The following ERC1 variants were observed in gnomAD, a reference collection of about 807,000 sequenced individuals.
ERC1 encodes RAB6 interacting protein 2.
ERC1 carries 56 observed loss-of-function variants against 132.0 expected under a neutral mutation model. That is an observed-to-expected ratio of 0.42 (90% CI 0.34 to 0.53). The LOEUF (loss-of-function observed/expected upper bound fraction) is 0.53. Ranked by LOEUF, ERC1 falls within the 20% of genes least tolerant of loss-of-function variation. The pLI is 0.03. For missense variants in ERC1, 1,202 were observed against 1,349.9 expected, an observed-to-expected ratio of 0.89 and a Z score of 1.72; for synonymous variants, 478 against 476.1, an observed-to-expected ratio of 1.00 and a Z score of -0.05.
At chr12:1,314,491 G>T (rs967451940) in intron 15 of ERC1, among the ~76,000 whole-genome samples, 2 of 152,152 alleles carry the variant, frequency 1.3e-5, no homozygotes, top group African/African-American at 4.8e-5. Context: ...GCAACTAGGT[G>T]TATTTATCAA....
intron 1 of ERC1, among the ~76,000 whole-genome samples, chr12:1,001,588 G>A (rs928804609): frequency 1.3e-5 from 2 of 152,026 alleles, no homozygotes; most frequent in African/African-American, 4.8e-5. Context: ...TTTTGTGTGT[G>A]TAGACCTTTT....
chr12:1,084,880 T>G (rs1942767941), intron 3 of ERC1, among the ~76,000 whole-genome samples: 1 of 152,062 alleles, frequency 6.6e-6, no homozygotes, highest in Admixed American at 6.6e-5. Flanking sequence ...AAAAAAAAAT[T>G]TTGTAGAGAC....
chr12:1,223,084 A>G (rs1406498586), intron 12 of ERC1, among the ~76,000 whole-genome samples: 1 of 152,236 alleles, frequency 6.6e-6, no homozygotes, highest in African/African-American at 2.4e-5. Context: ...AACCACAAGG[A>G]ACTGTACTAG....
At chr12:1,267,061 G>A (rs1044496366) in intron 14 of ERC1, among the ~76,000 whole-genome samples, 5 of 152,166 alleles carry the variant, frequency 3.3e-5, no homozygotes, top group Non-Finnish European at 7.4e-5. Flanking sequence ...TTATTCTCAC[G>A]GGATCCCCTT....
intron 2 of ERC1, among the ~76,000 whole-genome samples, chr12:1,043,183 A>G (rs959952389): frequency 9.9e-5 from 15 of 151,838 alleles, no homozygotes; most frequent in African/African-American, 3.4e-4. Context: ...AGCAGGGACT[A>G]CAGACGCCTG....
chr12:1,229,662 T>A (rs1159733758), intron 12 of ERC1, among the ~76,000 whole-genome samples: 1 of 152,176 alleles, frequency 6.6e-6, no homozygotes, highest in Non-Finnish European at 1.5e-5. Context: ...TAATGTCTTC[T>A]CTTTCATGTC....
At chr12:1,129,258 A>C (rs894372972) in intron 7 of ERC1, among the ~76,000 whole-genome samples, 2 of 152,188 alleles carry the variant, frequency 1.3e-5, no homozygotes, top group Admixed American at 6.5e-5. Context: ...GGATCACTTG[A>C]GACCAGGAGT....
intron 8 of ERC1, among the ~76,000 whole-genome samples, chr12:1,155,911 G>A (rs940759716): frequency 6.6e-6 from 1 of 151,850 alleles, no homozygotes; most frequent in African/African-American, 2.4e-5. Context: ...AACATATGGA[G>A]TGAAATTAAA....
At chr12:1,352,535 A>G (rs541651158) in intron 15 of ERC1, among the ~76,000 whole-genome samples, 2 of 152,352 alleles carry the variant, frequency 1.3e-5, no homozygotes, top group African/African-American at 4.8e-5. Flanking sequence ...GTGAATTTTT[A>G]TATTATAATA....
At position 1,033,396 on chromosome 12, in the gene ERC1, C is replaced by T. The variant is rs573807477; in HGVS notation, c.669+4824C>T. On this transcript the variant is annotated intron_variant, in intron 2 of 18. Coordinates refer to ENST00000360905, the MANE Select transcript of ERC1 (RefSeq NM_178040.4). ...ACATTGACCAGACTGGTCTTGAACT[C>T]TCAACCTCAGGTAATCCACCTGCCT... is the stretch of plus-strand genomic sequence containing the variant. Among the ~76,000 whole-genome samples the T allele has an allele frequency of 2.6e-5, 4 of 151,820 alleles. No homozygotes were observed. The East Asian group carries it at 7.8e-4, about 30-fold the overall frequency.
chr12:1,479,289 G>C (rs2094038592), intron 18 of ERC1, among the ~76,000 whole-genome samples: 1 of 151,982 alleles, frequency 6.6e-6, no homozygotes, highest in African/African-American at 2.4e-5. Flanking sequence ...CTTACTCTTT[G>C]GAATCAGCTC....
At chr12:1,040,794 G>T (rs948895026) in intron 2 of ERC1, among the ~76,000 whole-genome samples, 8 of 151,962 alleles carry the variant, frequency 5.3e-5, no homozygotes, top group African/African-American at 1.9e-4. Context: ...TTCATATGTG[G>T]TGACTGTATA....
chr12:1,136,339 G>A (rs566283112), intron 7 of ERC1, among the ~76,000 whole-genome samples: 28 of 152,216 alleles, frequency 1.8e-4, no homozygotes, highest in African/African-American at 6.0e-4. Flanking sequence ...TTCCTCACCA[G>A]CCATCTTCTG....
intron 2 of ERC1, among the ~76,000 whole-genome samples, chr12:1,067,201 C>T (rs1426647467): frequency 1.3e-5 from 2 of 152,146 alleles, no homozygotes; most frequent in Non-Finnish European, 2.9e-5. Flanking sequence ...TTGGCAACCA[C>T]TAAATTGTTT....
intron 16 of ERC1, among the ~76,000 whole-genome samples, chr12:1,382,119 A>G (rs965944178): frequency 6.6e-6 from 1 of 152,222 alleles, no homozygotes; most frequent in Non-Finnish European, 1.5e-5. Flanking sequence ...ACTGAGTGTC[A>G]GGAGACCTGA....
chr12:1,277,745 T>A (rs996802542), intron 14 of ERC1, among the ~76,000 whole-genome samples: 2 of 152,206 alleles, frequency 1.3e-5, no homozygotes, highest in African/African-American at 4.8e-5. Context: ...AAGTTCATCA[T>A]GTTTGGTCAA....
At chr12:1,467,158 TA>T (rs1462800905) in intron 18 of ERC1, among the ~76,000 whole-genome samples, 2 of 152,244 alleles carry the variant, frequency 1.3e-5, no homozygotes, top group African/African-American at 4.8e-5. Flanking sequence ...ATGTAAGCTC[TA>T]AAGCAAACTT....
rs1489618147 is a variant in ERC1, at chr12:1,141,505, A to T, written c.1570-115A>T. 1.2e-5 allele frequency: 9 copies of T among 738,540 alleles called. No homozygotes were observed. The Middle Eastern group carries it at 2.0e-3, about 164-fold the overall frequency. 45.7% of individuals were successfully genotyped at this position (738,540 alleles called of 1,614,324 possible). A position where few individuals can be genotyped will look rare whatever the true frequency, so the allele number is the denominator to read the frequency against. Reference sequence around the variant, plus strand: ...GAGAAACATAGATGTAGATAATACTACTTTTATAGAATAACAAAACTCAAC... The same window carrying T: ...GAGAAACATAGATGTAGATAATACTTCTTTTATAGAATAACAAAACTCAAC... On this transcript the variant is annotated intron_variant, in intron 7 of 18. Transcript: ENST00000360905.
chr12:1,196,019 T>C (rs958451862), intron 12 of ERC1, among the ~76,000 whole-genome samples: 13 of 152,024 alleles, frequency 8.6e-5, no homozygotes, highest in African/African-American at 2.9e-4. Context: ...GTCTACCTCA[T>C]ACCTTCCAAA....
Sources: allele counts gnomAD v4.1 joint callset (sites outside exome capture counted in the v4.1 genomes callset), GRCh38; gene constraint gnomAD v4.1.1; transcripts MANE v1.5; gene names NCBI Gene and HGNC (gene_info 2026-07-23, HGNC 2026-07-21).